Variants in UBASH3B observed in about 807,000 individuals in gnomAD.
The protein encoded by UBASH3B is ubiquitin associated and SH3 domain containing B, also known as ubiquitin-associated and SH3 domain-containing protein B.
In UBASH3B, 37 loss-of-function variants were observed where a neutral mutation model predicts 83.4. The ratio of observed to expected loss-of-function variants is 0.44; its 90% CI spans 0.34 to 0.58. UBASH3B has a LOEUF of 0.58. UBASH3B is among the 20% of genes least tolerant of loss of function. The pLI, the probability that UBASH3B is intolerant of heterozygous loss-of-function variation, is 0.01. For synonymous variants in UBASH3B, 304 were observed against 318.3 expected (o/e 0.96, Z 0.48); for missense variants, 657 against 827.2 (o/e 0.79, Z 2.52).
At chr11:122,689,926 G>C (rs777560707) in intron 1 of UBASH3B, among the ~76,000 whole-genome samples, 3 of 151,814 alleles carry the variant, frequency 2.0e-5, no homozygotes, top group Non-Finnish European at 4.4e-5. Flanking sequence ...AGCTTCCACG[G>C]CCTCCCCTGG....
chr11:122,739,519 G>A (rs188070630), intron 1 of UBASH3B, among the ~76,000 whole-genome samples: 1 of 152,222 alleles, frequency 6.6e-6, no homozygotes, highest in Non-Finnish European at 1.5e-5. Flanking sequence ...TTCTTCTCAC[G>A]CTCTATCCTC....
chr11:122,750,560 AAG>A (rs1367663191), intron 1 of UBASH3B, among the ~76,000 whole-genome samples: 1 of 152,226 alleles, frequency 6.6e-6, no homozygotes, highest in Non-Finnish European at 1.5e-5. Flanking sequence ...GAAAGGGAAA[AAG>A]AATTATTTCC....
intron 1 of UBASH3B, among the ~76,000 whole-genome samples, chr11:122,739,871 A>C (rs190395082): frequency 7.2e-5 from 11 of 152,330 alleles, no homozygotes; most frequent in African/African-American, 2.6e-4. Context: ...GACAGATGGC[A>C]CAGCCCTGAA....
At chr11:122,766,522 G>A (rs1860540834) in intron 1 of UBASH3B, among the ~76,000 whole-genome samples, 1 of 152,096 alleles carries the variant, frequency 6.6e-6, no homozygotes, top group African/African-American at 2.4e-5. Context: ...TCCAGCCTGG[G>A]CGACGGAGCC....
intron 1 of UBASH3B, among the ~76,000 whole-genome samples, chr11:122,755,990 G>C (rs1170954492): frequency 6.6e-6 from 1 of 152,140 alleles, no homozygotes; most frequent in East Asian, 1.9e-4. Flanking sequence ...CTGAACACAG[G>C]AGTTCCTGGG....
At chr11:122,666,752 CCT>C (rs1309148733) in intron 1 of UBASH3B, among the ~76,000 whole-genome samples, 1 of 152,092 alleles carries the variant, frequency 6.6e-6, no homozygotes. Flanking sequence ...CCTTGAATTG[CCT>C]GATTGCTCAT....
intron 1 of UBASH3B, among the ~76,000 whole-genome samples, chr11:122,683,386 G>A (rs990753050): frequency 3.3e-5 from 5 of 151,918 alleles, no homozygotes; most frequent in Admixed American, 1.3e-4. Context: ...AGGCCAAGGC[G>A]GGCAGATCGC....
rs1446712803 is a variant in UBASH3B, at chr11:122,771,105, A to AT, written c.162-5112dup. ...CCAGCTTTACAGTTTTGGCCCTAGC[A>AT]TTACCAAGCTTGGATTTTCCTGCAC... On this transcript the variant is annotated intron_variant, in intron 1 of 13. Transcript: ENST00000284273. Among the ~76,000 whole-genome samples, 17 of 152,270 alleles carry AT rather than the reference A, an allele frequency of 1.1e-4. No homozygotes were observed. The South Asian group carries it at 3.5e-3, about 32-fold the overall frequency.
Position 122,758,597 on chromosome 11 carries a change from C to G in UBASH3B, c.162-17622C>G, listed in dbSNP as rs1175022951. ...AGCTAAGCATGTCACATAACCCTAA[C>G]AGCTGGTGTGAATCTCCTTTCGTTT... On this transcript the variant is annotated intron_variant, in intron 1 of 13. Transcript: ENST00000284273. This position sits in a 1 kb window ranked among gnomAD's most constrained non-coding sequence, Gnocchi z 4.2. Among the ~76,000 whole-genome samples the G allele has an allele frequency of 1.3e-5, 2 of 152,208 alleles. No individual in the cohort carries two copies. Among genetic ancestry groups the G allele is most frequent in the Non-Finnish European group, 2.9e-5 (2 of 68,038 alleles).
At chr11:122,793,805 C>T (rs1309867022) in intron 6 of UBASH3B, among the ~76,000 whole-genome samples, 2 of 152,166 alleles carry the variant, frequency 1.3e-5, no homozygotes, top group Admixed American at 1.3e-4. Context: ...ATGGTCTTCT[C>T]TGAAATAATT....
At chr11:122,734,865 C>T (rs752066926) in intron 1 of UBASH3B, among the ~76,000 whole-genome samples, 1 of 151,498 alleles carries the variant, frequency 6.6e-6, no homozygotes. Context: ...TGTGTCAAAA[C>T]GTTTCCCTCT....
intron 1 of UBASH3B, among the ~76,000 whole-genome samples, chr11:122,768,508 G>GTGTATATA (rs557159523): frequency 2.5e-3 from 342 of 134,386 alleles, no homozygotes; most frequent in South Asian, 8.0e-3. Context: ...GTGTGTGTGT[G>GTGTATATA]TATATATATA....
chr11:122,784,115 T>C (rs1191430738), intron 5 of UBASH3B, among the ~76,000 whole-genome samples: 7 of 152,124 alleles, frequency 4.6e-5, no homozygotes, highest in Non-Finnish European at 8.8e-5. Flanking sequence ...TAATTTTTTG[T>C]ATTTTTAGTA....
chr11:122,759,591 A>C lies in UBASH3B; in HGVS notation c.162-16628A>C, dbSNP rs1861336818. On this transcript the variant is annotated intron_variant, in intron 1 of 13. Transcript: ENST00000284273. This position sits in a 1 kb window ranked among gnomAD's most constrained non-coding sequence, Gnocchi z 4.1. Reference sequence around the variant, plus strand: ...CCGTCTAGTTGGAGACCCCTGACTTAGTTGGGACCATCTGTGGGTGATGGG... The same window carrying C: ...CCGTCTAGTTGGAGACCCCTGACTTCGTTGGGACCATCTGTGGGTGATGGG... Among the ~76,000 whole-genome samples the C allele has an allele frequency of 6.6e-6, 1 of 152,176 alleles. No homozygotes were observed.
intron 6 of UBASH3B, among the ~76,000 whole-genome samples, chr11:122,790,120 A>G (rs1288110817): frequency 6.6e-6 from 1 of 152,204 alleles, no homozygotes; most frequent in African/African-American, 2.4e-5. Flanking sequence ...ATGTGGCAAC[A>G]TGGCTGAGAG....
At chr11:122,754,129 A>G (rs895613510) in intron 1 of UBASH3B, among the ~76,000 whole-genome samples, 3 of 152,190 alleles carry the variant, frequency 2.0e-5, no homozygotes, top group African/African-American at 7.2e-5. Context: ...GTCTAATGGA[A>G]TGGTTTTACA....
At chr11:122,669,833 A>T (rs1389377115) in intron 1 of UBASH3B, among the ~76,000 whole-genome samples, 6 of 152,240 alleles carry the variant, frequency 3.9e-5, no homozygotes, top group Non-Finnish European at 8.8e-5. Context: ...CTTGCCCAAC[A>T]TCACACAGCT....
At chr11:122,706,738 G>A (rs536702233) in intron 1 of UBASH3B, among the ~76,000 whole-genome samples, 37 of 152,282 alleles carry the variant, frequency 2.4e-4, no homozygotes, top group African/African-American at 8.7e-4. Flanking sequence ...AAACATATAT[G>A]TACGCAATCA....
rs2135151242 is a variant in UBASH3B at position 122,782,958 on chromosome 11, A to C, written c.602-95A>C. 2.8e-6 allele frequency: 4 copies of C among 1,436,356 alleles called. No individual in the cohort carries two copies. In the South Asian group the frequency reaches 5.6e-5, roughly 20 times the overall value. The allele number at this position is 1,436,356 out of a possible 1,614,324, so 89.0% of individuals were successfully genotyped here. A position where few individuals can be genotyped will look rare whatever the true frequency, so the allele number is the denominator to read the frequency against. ...TCTTCTTTGTTATGTGGGAAGCAGA[A>C]TTTCTCAGGGTACCTTTCTATGCCT... On this transcript the variant is annotated intron_variant, in intron 4 of 13. Transcript: ENST00000284273.
Sources: gnomAD v4.1 joint callset for allele counts (sites outside exome capture counted in the v4.1 genomes callset) on GRCh38, gnomAD v4.1.1 for gene constraint, Gnocchi (gnomAD v3.1) non-coding constraint, MANE v1.5 for transcripts, NCBI Gene and HGNC (gene_info 2026-07-23, HGNC 2026-07-21) for gene names.